Variants in CFAP20DC observed in about 807,000 individuals in gnomAD.
CFAP20DC encodes the protein protein CFAP20DC.
Under a neutral mutation model 101.7 loss-of-function variants are expected in CFAP20DC, and 84 were observed. That is an observed-to-expected ratio of 0.83 (90% CI 0.69 to 0.99). The LOEUF is 0.99. Among genes scored for constraint, CFAP20DC ranks in the 50% least tolerant of loss-of-function variants. The probability of loss-of-function intolerance (pLI) is 0.00; values close to 1 mark genes in which losing one functional copy is unlikely to be tolerated. For synonymous variants in CFAP20DC, 359 were observed against 351.2 expected (o/e 1.02, Z -0.25); for missense variants, 1,007 against 970.3 (o/e 1.04, Z -0.50).
At chr3:59,000,359 T>G (rs2093274799) in intron 4 of CFAP20DC, among the ~76,000 whole-genome samples, 2 of 152,190 alleles carry the variant, frequency 1.3e-5, no homozygotes, top group Admixed American at 1.3e-4. Context: ...GAAGAGATGT[T>G]TCAGCTTCAA....
At chr3:59,017,700 T>C (rs1313880312) in intron 4 of CFAP20DC, 2 of 152,110 alleles carry the variant, frequency 1.3e-5, no homozygotes, top group Non-Finnish European at 2.9e-5. Flanking sequence ...TGTGAGAGTA[T>C]CAGTTAGGAC....
intron 12 of CFAP20DC, among the ~76,000 whole-genome samples, chr3:58,849,973 A>C (rs1245139976): frequency 2.6e-5 from 4 of 152,176 alleles, no homozygotes; most frequent in African/African-American, 9.6e-5. Flanking sequence ...TGAAAATTTT[A>C]GTTTTAGAAA....
intron 7 of CFAP20DC, among the ~76,000 whole-genome samples, chr3:58,872,599 C>T (rs1375586239): frequency 2.6e-5 from 4 of 152,102 alleles, no homozygotes; most frequent in African/African-American, 7.2e-5. Context: ...ATGTTGAAGT[C>T]GTGAGGAGGT....
At chr3:58,731,959 C>T (rs1473033603) in intron 3 of CFAP20DC, among the ~76,000 whole-genome samples, 1 of 152,204 alleles carries the variant, frequency 6.6e-6, no homozygotes, top group Admixed American at 6.5e-5. Flanking sequence ...AGGACAATTC[C>T]TGAGCCTGTT....
At chr3:58,983,782 G>A (rs1272535770) in intron 4 of CFAP20DC, among the ~76,000 whole-genome samples, 1 of 152,078 alleles carries the variant, frequency 6.6e-6, no homozygotes, top group East Asian at 1.9e-4. Context: ...CAACCCCATG[G>A]GATATGTCCT....
intron 14 of CFAP20DC, among the ~76,000 whole-genome samples, chr3:58,819,392 C>T (rs1373631486): frequency 1.4e-4 from 21 of 151,892 alleles, no homozygotes; most frequent in African/African-American, 4.4e-4. Context: ...GATAGACCTC[C>T]AGCAAGACTA....
chr3:58,961,253 A>G (rs984135617), intron 4 of CFAP20DC, among the ~76,000 whole-genome samples: 20 of 152,170 alleles, frequency 1.3e-4, no homozygotes, highest in African/African-American at 4.6e-4. Flanking sequence ...CGGTCTCATA[A>G]TGAATAAAAC....
intron 12 of CFAP20DC, among the ~76,000 whole-genome samples, chr3:58,854,963 A>T (rs1415222462): frequency 2.1e-5 from 3 of 146,068 alleles, no homozygotes; most frequent in Non-Finnish European, 4.5e-5. Flanking sequence ...AAGCAATGGC[A>T]ACAAAAGCCA....
intron 12 of CFAP20DC, among the ~76,000 whole-genome samples, chr3:58,851,941 T>C (rs932971426): frequency 3.3e-5 from 5 of 152,112 alleles, no homozygotes; most frequent in Non-Finnish European, 5.9e-5. Context: ...TTGTGGGTGT[T>C]TTTCAGCGAA....
At chr3:58,756,384 T>C (rs1242663817) in intron 15 of CFAP20DC, among the ~76,000 whole-genome samples, 1 of 152,158 alleles carries the variant, frequency 6.6e-6, no homozygotes, top group Non-Finnish European at 1.5e-5. Context: ...TGCTTACAGA[T>C]ATTTTTCTTC....
intron 6 of CFAP20DC, among the ~76,000 whole-genome samples, chr3:58,908,536 G>A (rs186269454): frequency 2.1e-4 from 32 of 152,272 alleles, no homozygotes; most frequent in Admixed American, 1.7e-3. Flanking sequence ...ATAGGAACTC[G>A]TATTCACTGC....
At chr3:58,890,559 G>C (rs968178396) in intron 6 of CFAP20DC, among the ~76,000 whole-genome samples, 2 of 149,784 alleles carry the variant, frequency 1.3e-5, no homozygotes, top group South Asian at 2.1e-4. Context: ...CTAGCCGGGT[G>C]GGGGGCTGAC....
At chr3:58,797,867 T>C (rs554452129) in intron 15 of CFAP20DC, among the ~76,000 whole-genome samples, 2 of 152,314 alleles carry the variant, frequency 1.3e-5, no homozygotes, top group East Asian at 1.9e-4. Context: ...CTACTCTGCC[T>C]GTGTTGTATA....
intron 15 of CFAP20DC, among the ~76,000 whole-genome samples, chr3:58,780,077 TA>T (rs897878884): frequency 1.3e-5 from 2 of 152,034 alleles, no homozygotes; most frequent in African/African-American, 2.4e-5. Flanking sequence ...TTGAAAGATT[TA>T]AAAAAACTGT....
chr3:58,971,847 T>A lies in CFAP20DC; in HGVS notation c.279-34085A>T, dbSNP rs1225030076. Among the ~76,000 whole-genome samples the A allele has an allele frequency of 2.0e-5, 3 of 147,830 alleles. No individual in the cohort carries two copies. The highest frequency in any genetic ancestry group is 4.4e-5 in the Non-Finnish European group (3 of 67,466). On this transcript the variant is annotated intron_variant, in intron 4 of 16. Transcript: ENST00000482387. This position sits in a 1 kb window ranked among gnomAD's most constrained non-coding sequence, Gnocchi z 4.1. ...ACTTGTGGGAAAAAGGACTGTAATA[T>A]CATACACACGCACACATACACACAC...
intron 13 of CFAP20DC, among the ~76,000 whole-genome samples, chr3:58,837,021 G>A (rs372807549): frequency 1.4e-4 from 22 of 152,084 alleles, no homozygotes; most frequent in African/African-American, 5.1e-4. Flanking sequence ...AGGCAGAAAA[G>A]CATGGGGCAA....
At chr3:58,818,383 A>C (rs1422472902) in intron 14 of CFAP20DC, among the ~76,000 whole-genome samples, 3 of 148,056 alleles carry the variant, frequency 2.0e-5, no homozygotes, top group Non-Finnish European at 4.4e-5. Context: ...AGTGTGCTGT[A>C]TTCAGGAAAC....
Position 58,870,188 on chromosome 3 carries a change from C to G in CFAP20DC, c.837G>C (p.Met279Ile). ...TTGCTCCTACCTCGCTGGATATCTT[C>G]ATGTTATTCCTTCTGCCAGAGAGTG... ...PPPLSGRRNN[M>I]KISSETVRSV... Residue 279 changes from methionine to isoleucine, a missense_variant, in exon 8 of 17, where the codon ATG (methionine) becomes ATC (isoleucine). Coordinates refer to ENST00000482387, the MANE Select transcript of CFAP20DC (RefSeq NM_001394063.1). 1.2e-6 allele frequency: 2 copies of G among 1,609,354 alleles called. No homozygotes were observed. Among genetic ancestry groups the G allele is most frequent in the Non-Finnish European group, 1.7e-6 (2 of 1,177,162 alleles).
chr3:58,733,423 C>T (rs75798800), intron 3 of CFAP20DC, among the ~76,000 whole-genome samples: 8,431 of 152,052 alleles, frequency 0.055, 515 homozygotes, highest in East Asian at 0.35. Flanking sequence ...TTCAAACATT[C>T]GTCATATACT....
Sources: gnomAD v4.1 joint callset for allele counts (sites outside exome capture counted in the v4.1 genomes callset) on GRCh38, gnomAD v4.1.1 for gene constraint, Gnocchi (gnomAD v3.1) non-coding constraint, MANE v1.5 for transcripts, NCBI Gene and HGNC (gene_info 2026-07-23, HGNC 2026-07-21) for gene names.